The following LRRC37A2 variants were observed in gnomAD, a reference collection of about 807,000 sequenced individuals.
LRRC37A2 encodes leucine rich repeat containing 37 member A2.
LRRC37A2 carries 9 observed loss-of-function variants against 68.8 expected under a neutral mutation model. That is an observed-to-expected ratio of 0.13 (90% confidence interval 0.08 to 0.23). LRRC37A2 has a LOEUF of 0.23. Among genes scored for constraint, LRRC37A2 ranks in the 10% least tolerant of loss-of-function variants. The pLI, the probability that LRRC37A2 is intolerant of heterozygous loss-of-function variation, is 1.00. For synonymous variants in LRRC37A2, 63 were observed against 367.6 expected (o/e 0.17, Z 9.48); for missense variants, 168 against 950.4 (o/e 0.18, Z 10.82).
the LRRC37A2 span, chr17:47,007,743 A>C: frequency 6.6e-6 from 1 of 152,246 alleles, no homozygotes; most frequent in Non-Finnish European, 1.5e-5. Context: ...CTAAAAACAC[A>C]ATGCTATAAA....
At chr17:46,610,063 C>CTTTCT in the LRRC37A2 span, among the ~76,000 whole-genome samples, 3 of 130,942 alleles carry the variant, frequency 2.3e-5, no homozygotes, top group South Asian at 6.9e-4. Context: ...TTCTTTCTTT[C>CTTTCT]TTTCCTTTCT....
At chr17:46,724,230 C>G in the LRRC37A2 span, among the ~76,000 whole-genome samples, 1 of 152,146 alleles carries the variant, frequency 6.6e-6, no homozygotes, top group Non-Finnish European at 1.5e-5. Flanking sequence ...TCCTGACTCC[C>G]TAAGTCCATT....
chr17:47,037,216 G>C, the LRRC37A2 span, among the ~76,000 whole-genome samples: 2 of 151,780 alleles, frequency 1.3e-5, no homozygotes, highest in African/African-American at 4.8e-5. Flanking sequence ...CTTGAACCCA[G>C]GAGGTGGAGG....
At chr17:46,925,363 G>A in the LRRC37A2 span, among the ~76,000 whole-genome samples, 1 of 152,216 alleles carries the variant, frequency 6.6e-6, no homozygotes, top group Non-Finnish European at 1.5e-5. Flanking sequence ...TATTTATTGA[G>A]CACCTACTAT....
At chr17:46,772,990 A>T in the LRRC37A2 span, among the ~76,000 whole-genome samples, 1 of 152,094 alleles carries the variant, frequency 6.6e-6, no homozygotes, top group Non-Finnish European at 1.5e-5. Context: ...CACCCAGTCC[A>T]TGAGCCCCCA....
the LRRC37A2 span, among the ~76,000 whole-genome samples, chr17:46,921,426 G>A: frequency 6.6e-6 from 1 of 152,168 alleles, no homozygotes; most frequent in Non-Finnish European, 1.5e-5. Context: ...GCATGGGCAA[G>A]GACTTCATGT....
chr17:46,935,872 A>G, the LRRC37A2 span: 1,314 of 986,022 alleles, frequency 1.3e-3, 8 homozygotes, highest in African/African-American at 0.022. Context: ...CCTGATGGAT[A>G]ATAGGGCGTG....
chr17:46,737,796 T>C, the LRRC37A2 span, among the ~76,000 whole-genome samples: 1 of 152,022 alleles, frequency 6.6e-6, no homozygotes, highest in African/African-American at 2.4e-5. Context: ...ATCCTGGTCT[T>C]GAAAGATGAG....
chr17:46,908,892 G>C, the LRRC37A2 span, among the ~76,000 whole-genome samples: 49 of 152,328 alleles, frequency 3.2e-4, no homozygotes, highest in African/African-American at 1.0e-3. Context: ...GAGCTATTCA[G>C]TCTGGAAAAC....
At chr17:46,516,332 A>G (rs1242309286) in intron 2 of LRRC37A2, among the ~76,000 whole-genome samples, 4 of 100,902 alleles carry the variant, frequency 4.0e-5, no homozygotes, top group African/African-American at 1.1e-4. Flanking sequence ...GGGAAGAAAG[A>G]GAATAGGCAT....
the LRRC37A2 span, among the ~76,000 whole-genome samples, chr17:46,949,645 G>A: frequency 6.6e-6 from 1 of 152,180 alleles, no homozygotes; most frequent in African/African-American, 2.4e-5. Flanking sequence ...GCAATAAAGT[G>A]CACAAACCGT....
the LRRC37A2 span, among the ~76,000 whole-genome samples, chr17:46,846,147 C>G: frequency 6.6e-6 from 1 of 152,192 alleles, no homozygotes; most frequent in East Asian, 1.9e-4. Flanking sequence ...CCTATAACTA[C>G]TAGACAGAAC....
the LRRC37A2 span, among the ~76,000 whole-genome samples, chr17:47,004,574 T>G: frequency 6.6e-6 from 1 of 152,206 alleles, no homozygotes; most frequent in South Asian, 2.1e-4. Flanking sequence ...TCACCCAGGC[T>G]GGGGAGTGCA....
At chr17:46,815,679 C>T in the LRRC37A2 span, among the ~76,000 whole-genome samples, 7 of 152,116 alleles carry the variant, frequency 4.6e-5, no homozygotes, top group Non-Finnish European at 1.0e-4. Context: ...GAAAAACAAC[C>T]TCAGAGAGAA....
chr17:46,955,050 A>G, the LRRC37A2 span, among the ~76,000 whole-genome samples: 1 of 152,164 alleles, frequency 6.6e-6, no homozygotes. Context: ...TTCCAACACT[A>G]TGTTGAATAG....
the LRRC37A2 span, chr17:46,875,448 C>T: frequency 2.7e-6 from 4 of 1,456,294 alleles, no homozygotes; most frequent in Non-Finnish European, 3.6e-6. Context: ...GGCCAGCACC[C>T]CACTCCCCAA....
chr17:46,970,535 C>CAAA, the LRRC37A2 span, among the ~76,000 whole-genome samples: 12 of 51,198 alleles, frequency 2.3e-4, no homozygotes, highest in African/African-American at 7.4e-4. Flanking sequence ...GACTCCATCT[C>CAAA]AAAAAAAAAA....
the LRRC37A2 span, among the ~76,000 whole-genome samples, chr17:46,817,655 G>A: frequency 2.4e-4 from 35 of 145,984 alleles, no homozygotes; most frequent in African/African-American, 7.4e-4. Flanking sequence ...CACTGCTCCC[G>A]GCTTCCCAGT....
the LRRC37A2 span, among the ~76,000 whole-genome samples, chr17:47,044,376 G>A: frequency 6.6e-6 from 1 of 151,334 alleles, no homozygotes; most frequent in Non-Finnish European, 1.5e-5. Context: ...TGGGACAATT[G>A]TGAAAATGTG....
Sources: gnomAD v4.1 joint callset for allele counts (sites outside exome capture counted in the v4.1 genomes callset) on GRCh38, gnomAD v4.1.1 for gene constraint, MANE v1.5 for transcripts, NCBI Gene and HGNC (gene_info 2026-07-23, HGNC 2026-07-21) for gene names.